Variants in SUPT3H observed in about 807,000 individuals in gnomAD.
SUPT3H encodes the protein transcription initiation protein SPT3 homolog.
Under a neutral mutation model 44.3 loss-of-function variants are expected in SUPT3H, and 44 were observed. The observed-to-expected ratio is 0.99, with a 90% CI of 0.78 to 1.28. The LOEUF (loss-of-function observed/expected upper bound fraction) is 1.28, where lower values mean the gene tolerates loss of function less well. Ranked by LOEUF, SUPT3H falls within the 50% of genes most tolerant of loss-of-function variation. The probability of loss-of-function intolerance (pLI) is 0.00; values close to 1 mark genes in which losing one functional copy is unlikely to be tolerated. For synonymous variants in SUPT3H, 124 were observed against 125.6 expected (o/e 0.99, Z 0.09); for missense variants, 380 against 387.1 (o/e 0.98, Z 0.15).
intron 2 of SUPT3H, among the ~76,000 whole-genome samples, chr6:45,118,109 T>A (rs1212161807): frequency 1.3e-5 from 2 of 152,126 alleles, no homozygotes; most frequent in African/African-American, 4.8e-5. Context: ...CTTAAAAATT[T>A]GGCATGCATA....
intron 10 of SUPT3H, among the ~76,000 whole-genome samples, chr6:44,889,196 G>C (rs1762853995): frequency 6.6e-6 from 1 of 152,100 alleles, no homozygotes; most frequent in South Asian, 2.1e-4. Context: ...ACTGTCCAAG[G>C]TAATTTATAG....
At chr6:44,854,955 A>T (rs1773488631) in intron 10 of SUPT3H, among the ~76,000 whole-genome samples, 1 of 152,204 alleles carries the variant, frequency 6.6e-6, no homozygotes, top group South Asian at 2.1e-4. Flanking sequence ...CTAAAAGATA[A>T]GCACAAAGAG....
chr6:44,841,142 C>A (rs538145766), intron 10 of SUPT3H, among the ~76,000 whole-genome samples: 7 of 152,150 alleles, frequency 4.6e-5, no homozygotes, highest in Admixed American at 2.6e-4. Flanking sequence ...AATAAAACCT[C>A]TTTTCTTTAT....
chr6:45,173,504 TCAAATCAGGTTTAC>T (rs1384725338), intron 2 of SUPT3H, among the ~76,000 whole-genome samples: 1 of 152,226 alleles, frequency 6.6e-6, no homozygotes, highest in East Asian at 1.9e-4. Context: ...AGGATTTAAA[TCAAATCAGGTTTAC>T]CAAATTCCAG....
At chr6:45,034,470 C>A (rs899948235) in intron 3 of SUPT3H, among the ~76,000 whole-genome samples, 1 of 152,168 alleles carries the variant, frequency 6.6e-6, no homozygotes, top group Non-Finnish European at 1.5e-5. Flanking sequence ...TCAAGAACAG[C>A]CTCACCAGGG....
At chr6:45,176,089 G>C (rs539120322) in intron 2 of SUPT3H, among the ~76,000 whole-genome samples, 4 of 152,094 alleles carry the variant, frequency 2.6e-5, no homozygotes, top group African/African-American at 9.7e-5. Flanking sequence ...GGCCGAATAG[G>C]AACAGCTCTG....
chr6:45,154,026 C>T (rs138583754), intron 2 of SUPT3H, among the ~76,000 whole-genome samples: 18 of 128,008 alleles, frequency 1.4e-4, no homozygotes, highest in African/African-American at 2.0e-4. Context: ...GCTGAGATCA[C>T]GCCACTGCAC....
intron 2 of SUPT3H, among the ~76,000 whole-genome samples, chr6:45,162,461 C>T (rs1271832675): frequency 6.6e-6 from 1 of 152,054 alleles, no homozygotes; most frequent in African/African-American, 2.4e-5. Context: ...AGGTTTGAGG[C>T]TCCAGTGAGC....
chr6:44,944,150 C>CTA (rs201086122), intron 9 of SUPT3H, among the ~76,000 whole-genome samples: 2,700 of 151,668 alleles, frequency 0.018, 53 homozygotes, highest in South Asian at 0.092. Context: ...GGACCTGGAC[C>CTA]TATATATATA....
At chr6:45,371,040 G>C (rs532598927) in intron 1 of SUPT3H, among the ~76,000 whole-genome samples, 10 of 152,222 alleles carry the variant, frequency 6.6e-5, no homozygotes, top group Non-Finnish European at 1.5e-4. Flanking sequence ...AAACACTGTT[G>C]TTCTTACACA....
chr6:44,853,585 G>T (rs923171721), intron 10 of SUPT3H, among the ~76,000 whole-genome samples: 1 of 152,098 alleles, frequency 6.6e-6, no homozygotes, highest in Non-Finnish European at 1.5e-5. Context: ...TCTGGTCTAA[G>T]AATTAAATCA....
chr6:44,867,885 T>G (rs3799976), intron 10 of SUPT3H, among the ~76,000 whole-genome samples: 50,936 of 151,898 alleles, frequency 0.34, 9,486 homozygotes, highest in Admixed American at 0.41. Context: ...ATAAAGTATG[T>G]TTGTTTGATG....
intron 10 of SUPT3H, among the ~76,000 whole-genome samples, chr6:44,844,405 A>G (rs1306302495): frequency 2.0e-5 from 3 of 152,216 alleles, no homozygotes; most frequent in African/African-American, 7.2e-5. Context: ...AACTCAAGAG[A>G]AATGAAAACA....
Position 44,950,755 on chromosome 6 carries a change from G to A in SUPT3H, c.801+2555C>T, listed in dbSNP as rs116510338. On this transcript the variant is annotated intron_variant, in intron 9 of 10. Coordinates refer to ENST00000371459, the MANE Select transcript of SUPT3H (RefSeq NM_003599.4). The stretch of plus-strand genomic sequence containing the variant: ...CACTGTGTATTAACCCACATCTTGA[G>A]TTTCCAATTCTAATCCACTGTACAT... 5.7e-3 allele frequency among the ~76,000 whole-genome samples: 847 copies of A among 149,266 alleles called. 6 individuals are homozygous for A. Among genetic ancestry groups the A allele is most frequent in the South Asian group, 0.038 (181 of 4,738 alleles).
intron 3 of SUPT3H, among the ~76,000 whole-genome samples, chr6:45,038,025 G>A (rs2153528175): frequency 6.6e-6 from 1 of 152,118 alleles, no homozygotes; most frequent in South Asian, 2.1e-4. Flanking sequence ...TTTTAACTGG[G>A]GCTCATAGAC....
At chr6:45,028,997 CTAAG>C (rs1217203731) in intron 3 of SUPT3H, among the ~76,000 whole-genome samples, 2 of 150,306 alleles carry the variant, frequency 1.3e-5, no homozygotes, top group Non-Finnish European at 3.0e-5. Context: ...GGATTGTGAG[CTAAG>C]TAAGTATTTG....
chr6:44,841,188 C>A (rs1770871748), intron 10 of SUPT3H, among the ~76,000 whole-genome samples: 1 of 152,094 alleles, frequency 6.6e-6, no homozygotes, highest in South Asian at 2.1e-4. Context: ...TTATAGCAAG[C>A]AAGAATGTCC....
chr6:44,883,100 CTGTT>C (rs1778520139), intron 10 of SUPT3H, among the ~76,000 whole-genome samples: 1 of 152,188 alleles, frequency 6.6e-6, no homozygotes, highest in African/African-American at 2.4e-5. Context: ...CAAATTGTCT[CTGTT>C]TGCAGGTGAC....
chr6:45,033,805 A>G (rs1218015737), intron 3 of SUPT3H, among the ~76,000 whole-genome samples: 1 of 152,114 alleles, frequency 6.6e-6, no homozygotes, highest in Non-Finnish European at 1.5e-5. Flanking sequence ...ACCCATCTTG[A>G]GTTAGTGTTC....
Sources: allele counts gnomAD v4.1 joint callset (sites outside exome capture counted in the v4.1 genomes callset), GRCh38; gene constraint gnomAD v4.1.1; transcripts MANE v1.5; gene names NCBI Gene and HGNC (gene_info 2026-07-23, HGNC 2026-07-21).